BBOF1: variants seen among roughly 807,000 people sequenced by gnomAD.
BBOF1 encodes basal body-orientation factor 1.
In BBOF1, 62 loss-of-function variants were observed where a neutral mutation model predicts 68.0. The ratio of observed to expected loss-of-function variants is 0.91; its 90% CI spans 0.74 to 1.13. The LOEUF (loss-of-function observed/expected upper bound fraction) is 1.13. BBOF1 is among the 50% of genes most tolerant of loss of function. The pLI, the probability that BBOF1 is intolerant of heterozygous loss-of-function variation, is 0.00. For synonymous variants in BBOF1, 208 were observed against 198.8 expected (o/e 1.05, Z -0.39); for missense variants, 534 against 600.1 (o/e 0.89, Z 1.15).
intron 9 of BBOF1, chr14:74,071,874 C>G: frequency 6.2e-7 from 1 of 1,612,488 alleles, no homozygotes; most frequent in Non-Finnish European, 8.5e-7. Flanking sequence ...CCCAAAAGTC[C>G]CATAAGGGGC....
chr14:74,030,935 TATATAG>T (rs1298996821), intron 3 of BBOF1, among the ~76,000 whole-genome samples: 1 of 146,786 alleles, frequency 6.8e-6, no homozygotes, highest in East Asian at 2.1e-4. Flanking sequence ...TATATATATA[TATATAG>T]AGAGAGAGAG....
intron 9 of BBOF1, chr14:74,071,416 T>G: frequency 6.2e-7 from 1 of 1,614,146 alleles, no homozygotes; most frequent in Non-Finnish European, 8.5e-7. Context: ...ACGGTAGGAA[T>G]AAAGGTCCAT....
chr14:74,080,825 T>C (rs146039174), intron 10 of BBOF1, among the ~76,000 whole-genome samples: 1 of 152,230 alleles, frequency 6.6e-6, no homozygotes, highest in Non-Finnish European at 1.5e-5. Context: ...ATTATTCCCT[T>C]GTTTAAAATT....
chr14:74,021,915 A>G (rs2059310552), intron 1 of BBOF1, among the ~76,000 whole-genome samples: 1 of 146,156 alleles, frequency 6.8e-6, no homozygotes, highest in African/African-American at 2.5e-5. Flanking sequence ...CCTCCCCCAG[A>G]AAAAAAAAAA....
intron 4 of BBOF1, among the ~76,000 whole-genome samples, chr14:74,039,261 A>G (rs2059779210): frequency 6.6e-6 from 1 of 152,066 alleles, no homozygotes; most frequent in Non-Finnish European, 1.5e-5. Context: ...GCCATTAAAT[A>G]TTTTCTATAA....
At chr14:74,067,112 G>T (rs2060479202), downstream of BBOF1, among the ~76,000 whole-genome samples, 1 of 152,148 alleles carries the variant, frequency 6.6e-6, no homozygotes, top group Non-Finnish European at 1.5e-5. Context: ...TGCTCAGGAG[G>T]CTGAGGCAGG....
intron 9 of BBOF1, among the ~76,000 whole-genome samples, chr14:74,073,075 C>G (rs907310273): frequency 1.3e-5 from 2 of 152,230 alleles, no homozygotes; most frequent in African/African-American, 2.4e-5. Context: ...GCTAGGATTA[C>G]AGGCGTGAGC....
intron 11 of BBOF1, among the ~76,000 whole-genome samples, chr14:74,063,337 C>T (rs1043013506): frequency 6.6e-6 from 1 of 151,734 alleles, no homozygotes; most frequent in African/African-American, 2.4e-5. Context: ...TAGGCACCTG[C>T]CACCACACCT....
chr14:74,067,072 C>T (rs145733579), downstream of BBOF1, among the ~76,000 whole-genome samples: 631 of 152,116 alleles, frequency 4.1e-3, 4 homozygotes, highest in Non-Finnish European at 6.4e-3. Flanking sequence ...AAAAATTAGC[C>T]AGGTGGTGGC....
rs113016366 is a variant in BBOF1 at position 74,075,104 on chromosome 14, A to G, written n.1380-3092A>G. Reference sequence around the variant, plus strand: ...AAATAGCTACTATATGCTATTTGCTATAGTATATAGGGGGTATGTTTCTCT... The same window carrying G: ...AAATAGCTACTATATGCTATTTGCTGTAGTATATAGGGGGTATGTTTCTCT... On this transcript the variant is annotated intron_variant and non_coding_transcript_variant, in intron 9 of 12. Coordinates refer to the BBOF1 transcript ENST00000492026. 3.2e-3 allele frequency: 3,828 copies of G among 1,202,542 alleles called. 79 individuals carry two copies. The African/African-American group carries it at 0.046, about 14-fold the overall frequency. 74.5% of individuals were successfully genotyped at this position (1,202,542 alleles called of 1,614,324 possible). A position where few individuals can be genotyped will look rare whatever the true frequency, so the allele number is the denominator to read the frequency against.
rs770843082 is a variant in BBOF1 at position 74,049,665 on chromosome 14, A to G, written c.793-37A>G. ...CGACAGAGCAAGATTCCATCTCAAA[A>G]GAAAAAAAAAATCACCTCTCATCTT... is the stretch of plus-strand genomic sequence containing the variant. On this transcript the variant is annotated intron_variant, in intron 7 of 11. Coordinates refer to ENST00000394009, the MANE Select transcript of BBOF1 (RefSeq NM_025057.3). The G allele has an allele frequency of 6.0e-6, 9 of 1,502,472 alleles. No individual in the cohort carries two copies. In the African/African-American group the frequency reaches 1.3e-4, roughly 21 times the overall value. 93.1% of individuals were successfully genotyped at this position (1,502,472 alleles called of 1,614,324 possible). A position where few individuals can be genotyped will look rare whatever the true frequency, so the allele number is the denominator to read the frequency against.
chr14:74,080,420 T>G (rs1275760201), intron 10 of BBOF1, among the ~76,000 whole-genome samples: 1 of 144,138 alleles, frequency 6.9e-6, no homozygotes, highest in Non-Finnish European at 1.5e-5. Flanking sequence ...CAGGCTAGAG[T>G]GCAGTGGCAC....
At chr14:74,026,444 C>CAAAA (rs1166375665) in intron 2 of BBOF1, among the ~76,000 whole-genome samples, 27 of 33,016 alleles carry the variant, frequency 8.2e-4, no homozygotes, top group African/African-American at 1.1e-3. Context: ...AACTCCATCT[C>CAAAA]AAAAAAAAAA....
intron 11 of BBOF1, chr14:74,058,592 A>C (rs2060271197): frequency 7.1e-6 from 1 of 141,212 alleles, no homozygotes; most frequent in Admixed American, 6.9e-5. Flanking sequence ...AACATTTTCA[A>C]GGTCTTTTTT....
chr14:74,043,317 G>A (rs1026789660), intron 5 of BBOF1, among the ~76,000 whole-genome samples: 2 of 151,122 alleles, frequency 1.3e-5, no homozygotes, highest in African/African-American at 2.4e-5. Context: ...TTGGGAGGCC[G>A]AGGCGGGTGG....
chr14:74,023,144 G>A lies in BBOF1; in HGVS notation c.285G>A (p.Met95Ile), dbSNP rs370595339. The change falls in exon 2 of 12, where the codon ATG (methionine) becomes ATA (isoleucine). Residue 95 changes from methionine to isoleucine, a missense_variant and splice_region_variant. By Grantham distance (10) the Met-to-Ile change is conservative. Transcript: ENST00000394009. The part of the protein sequence containing the change: ...LKKQDQEKDN[M>I]IEKLKQQLNE... The stretch of plus-strand genomic sequence containing the variant: ...AGCAGGATCAGGAGAAAGATAATAT[G>A]GTAGGTAGGTAGAAAGCCTCCTTGG... The A allele has an allele frequency of 2.1e-4, 327 of 1,553,902 alleles. No homozygotes were observed. The highest frequency in any genetic ancestry group is 2.8e-4 in the Non-Finnish European group (317 of 1,143,222).
downstream of BBOF1, chr14:74,066,905 G>T (rs1228769720): frequency 1.9e-6 from 3 of 1,609,940 alleles, no homozygotes; most frequent in Admixed American, 1.7e-5. Flanking sequence ...CAACACAGAA[G>T]AATTTAAGGT....
At position 74,040,650 on chromosome 14, in the gene BBOF1, A is replaced by G. The variant is rs780411265; in HGVS notation, c.576+5A>G. Reference sequence around the variant, plus strand: ...AGCAGATTTTTTGAAGAAAAGGTACAGATTATTAGGGTTAATTTAAAATGT... The same window carrying G: ...AGCAGATTTTTTGAAGAAAAGGTACGGATTATTAGGGTTAATTTAAAATGT... On this transcript the variant is annotated splice_donor_5th_base_variant and intron_variant, in intron 5 of 11. Coordinates refer to ENST00000394009, the MANE Select transcript of BBOF1 (RefSeq NM_025057.3). 2.0e-6 allele frequency: 3 copies of G among 1,536,960 alleles called. No homozygotes were observed. Among genetic ancestry groups the G allele is most frequent in the Non-Finnish European group, 2.7e-6 (3 of 1,129,042 alleles).
At chr14:74,019,681 C>G in intron 1 of BBOF1, 147 bp downstream of exon 1, 2 of 1,361,674 alleles carry the variant, frequency 1.5e-6, no homozygotes, top group Non-Finnish European at 2.0e-6. Context: ...CTCCCATGTC[C>G]ATAGTCTGGC....
Sources: allele counts gnomAD v4.1 joint callset (sites outside exome capture counted in the v4.1 genomes callset), GRCh38; gene constraint gnomAD v4.1.1; transcripts MANE v1.5; gene names NCBI Gene and HGNC (gene_info 2026-07-23, HGNC 2026-07-21).